Variants in RNF166 observed in about 807,000 individuals in gnomAD.
RNF166 encodes the protein ring finger protein 166.
In RNF166, 19 loss-of-function variants were observed where a neutral mutation model predicts 29.4. That is an observed-to-expected ratio of 0.65 (90% CI 0.45 to 0.95). The LOEUF is 0.95. RNF166 is among the 40% of genes least tolerant of loss of function. RNF166 has a pLI of 0.00. For synonymous variants in RNF166, 171 were observed against 134.5 expected, an observed-to-expected ratio of 1.27 and a Z score of -1.88; for missense variants, 347 against 322.1, an observed-to-expected ratio of 1.08 and a Z score of -0.59.
chr16:88,704,628 C>A, intron 1 of RNF166: 1 of 854,856 alleles, frequency 1.2e-6, no homozygotes, highest in South Asian at 5.4e-5. Context: ...CTAAGTCAAG[C>A]CTCACAGCGC....
intron 1 of RNF166, among the ~76,000 whole-genome samples, chr16:88,705,773 GTTAT>G (rs915438160): frequency 8.5e-5 from 13 of 152,232 alleles, no homozygotes; most frequent in Non-Finnish European, 1.8e-4. Context: ...AAAACTACAA[GTTAT>G]TTATTTACAA....
chr16:88,703,970 G>A (rs551355318), intron 1 of RNF166: 257 of 985,496 alleles, frequency 2.6e-4, no homozygotes, highest in Admixed American at 4.9e-4. Context: ...TGGCCCACAG[G>A]CTTCTGGTTA....
At chr16:88,703,196 G>A (rs757151270) in intron 1 of RNF166, 237 of 976,828 alleles carry the variant, frequency 2.4e-4, no homozygotes, top group Non-Finnish European at 2.8e-4. Context: ...TGCCAGGCGA[G>A]GGGGAGAGTC....
intron 1 of RNF166, among the ~76,000 whole-genome samples, chr16:88,705,423 A>G (rs576220884): frequency 6.6e-6 from 1 of 152,228 alleles, no homozygotes; most frequent in Non-Finnish European, 1.5e-5. Flanking sequence ...AGGAGGGAGC[A>G]GACACTGATC....
chr16:88,704,375 C>G (rs1828153351), intron 1 of RNF166: 9 of 985,252 alleles, frequency 9.1e-6, no homozygotes, highest in Non-Finnish European at 8.4e-6. Flanking sequence ...CGCGGTGAGA[C>G]TAGGATGGTC....
In RNF166 at chr16:88,701,375, G is replaced by A; in HGVS notation, c.199C>T (p.Pro67Ser). The A allele has an allele frequency of 6.2e-7, 1 of 1,612,110 alleles. No homozygotes were observed. The highest frequency in any genetic ancestry group is 8.5e-7 in the Non-Finnish European group (1 of 1,179,602). ...GGCAGGCGGCAGAGTGGGCACAGCG[G>A]GGATGGCACCTGCAGGCAGGGCTGG... The part of the protein sequence containing the change: ...CLQPCLQVPS[P>S]LCPLCRLPFD... Residue 67 changes from proline (P) to serine (S), a missense_variant, in exon 2 of 6, where the codon CCG becomes TCG. Coordinates refer to ENST00000312838, the MANE Select transcript of RNF166 (RefSeq NM_178841.4).
At position 88,704,035 on chromosome 16, in the gene RNF166, C is replaced by A. The variant is rs779195497; in HGVS notation, c.155+2136G>T. The A allele has an allele frequency of 1.1e-5, 11 of 985,446 alleles. No individual in the cohort carries two copies. In the South Asian group the frequency reaches 2.8e-4, roughly 25 times the overall value. The allele number at this position is 985,446 out of a possible 1,614,324, so 61.0% of individuals were successfully genotyped here. ...CTGGCTGAGAACAGCTCCTGCTGGGCCCCCAGGGGGCCTCCTGCGCGAGGG... is the reference window on the plus strand; with the variant it reads ...CTGGCTGAGAACAGCTCCTGCTGGGACCCCAGGGGGCCTCCTGCGCGAGGG... On this transcript the variant is annotated intron_variant, in intron 1 of 5. Transcript: ENST00000312838.
intron 1 of RNF166, chr16:88,703,988 G>T: frequency 2.0e-6 from 2 of 985,494 alleles, no homozygotes; most frequent in Non-Finnish European, 2.4e-6. Flanking sequence ...TTACAGAGGT[G>T]GCTCACTGCT....
chr16:88,703,157 A>AC (rs1910434299), intron 1 of RNF166: 3 of 985,218 alleles, frequency 3.0e-6, no homozygotes, highest in South Asian at 4.7e-5. Context: ...GCAGAGAGAA[A>AC]CCCAGTGACC....
intron 2 of RNF166, chr16:88,700,786 T>C (rs1274375102): frequency 9.9e-7 from 1 of 1,014,404 alleles, no homozygotes; most frequent in African/African-American, 1.7e-5. Context: ...GCCCTTACGC[T>C]GCTCTGATGT....
intron 1 of RNF166, chr16:88,704,018 G>A: frequency 3.0e-6 from 3 of 985,488 alleles, no homozygotes; most frequent in Non-Finnish European, 3.6e-6. Context: ...CCCTGGCTGA[G>A]AACAGCTCCT....
chr16:88,701,431 G>A lies in RNF166; in HGVS notation c.156-13C>T. 6.4e-7 allele frequency: 1 copy of A among 1,560,578 alleles called. No homozygotes were observed. Among genetic ancestry groups the A allele is most frequent in the Non-Finnish European group, 8.7e-7 (1 of 1,155,758 alleles). ...CTCCCCGCAGAACCTGCAGGGCACAGGGGCCTGAGTGCCAGCCCGCCCCTC... is the reference window on the plus strand; with the variant it reads ...CTCCCCGCAGAACCTGCAGGGCACAAGGGCCTGAGTGCCAGCCCGCCCCTC... On this transcript the variant is annotated splice_polypyrimidine_tract_variant and intron_variant, in intron 1 of 5. Transcript: ENST00000312838.
Position 88,697,388 on chromosome 16 carries a change from G to C in RNF166, c.*180C>G, listed in dbSNP as rs771441929. The C allele has an allele frequency of 3.1e-4, 165 of 526,366 alleles. No individual in the cohort carries two copies. Among genetic ancestry groups the C allele is most frequent in the Non-Finnish European group, 4.7e-4 (137 of 291,894 alleles). The allele number at this position is 526,366 out of a possible 1,614,324, so 32.6% of individuals were successfully genotyped here. A position where few individuals can be genotyped will look rare whatever the true frequency, so the allele number is the denominator to read the frequency against. ...TGGGACCAGGCGGCCCTGCTCTGGC[G>C]GCCTCGGCGGCTGGCCCGTATTCAG... On this transcript the variant is annotated 3_prime_UTR_variant, in exon 6 of 6. Transcript: ENST00000312838.
chr16:88,699,217 C>T (rs1467130556), intron 3 of RNF166, 132 bp from the exon 4 acceptor site: 4 of 707,718 alleles, frequency 5.7e-6, no homozygotes, highest in South Asian at 1.6e-5. Flanking sequence ...TGGCTGGGTG[C>T]CCCCCGTGCC....
At chr16:88,704,891 G>C (rs1910619979) in intron 1 of RNF166, among the ~76,000 whole-genome samples, 1 of 152,246 alleles carries the variant, frequency 6.6e-6, no homozygotes, top group South Asian at 2.1e-4. Flanking sequence ...TCTGGAGGCT[G>C]AGGCAGGAGG....
At position 88,697,801 on chromosome 16, in the gene RNF166, T is replaced by TG. The variant is rs1257186363; in HGVS notation, c.649-169dup. On this transcript the variant is annotated intron_variant, in intron 5 of 5. Coordinates refer to ENST00000312838, the MANE Select transcript of RNF166 (RefSeq NM_178841.4). ...CAGGCTCGGGGCCTGCACGGTCCTC[T>TG]GGGGGGTGAGAAGGTGAAGGTGTGT... The TG allele has an allele frequency of 3.3e-4, 193 of 591,498 alleles. 1 individual carries two copies. Among genetic ancestry groups the TG allele is most frequent in the South Asian group, 8.9e-4 (44 of 49,574 alleles). The allele number at this position is 591,498 out of a possible 1,614,324, so 36.6% of individuals were successfully genotyped here.
chr16:88,703,850 G>T, intron 1 of RNF166: 3 of 985,478 alleles, frequency 3.0e-6, no homozygotes, highest in Non-Finnish European at 3.6e-6. Flanking sequence ...CGTGCCTCAG[G>T]GATCTGCCTG....
Position 88,697,427 on chromosome 16 carries a change from G to T in RNF166, c.*141C>A. The T allele has an allele frequency of 1.6e-6, 1 of 627,886 alleles. No individual in the cohort carries two copies. Among genetic ancestry groups the T allele is most frequent in the Non-Finnish European group, 2.8e-6 (1 of 360,910 alleles). 38.9% of individuals were successfully genotyped at this position (627,886 alleles called of 1,614,324 possible). On this transcript the variant is annotated 3_prime_UTR_variant, in exon 6 of 6. Transcript: ENST00000312838. ...GCCCGTATTCAGGCCCGGAGGCTCG[G>T]CCCCGGCTCCCCTTCTGCGCGGGTG...
chr16:88,703,886 G>A (rs1910513587), intron 1 of RNF166: 1 of 985,330 alleles, frequency 1.0e-6, no homozygotes, highest in Non-Finnish European at 1.2e-6. Flanking sequence ...CCCTCAGCAA[G>A]CCCCACAGCT....
Sources: gnomAD v4.1 joint callset for allele counts (sites outside exome capture counted in the v4.1 genomes callset) on GRCh38, gnomAD v4.1.1 for gene constraint, MANE v1.5 for transcripts, NCBI Gene and HGNC (gene_info 2026-07-23, HGNC 2026-07-21) for gene names.